The following TGFB2 variants were observed in gnomAD, a reference collection of about 807,000 sequenced individuals.
TGFB2 encodes the protein transforming growth factor beta-2 proprotein.
A neutral mutation model predicts 42.7 loss-of-function variants in TGFB2; 13 were observed. That is an observed-to-expected ratio of 0.30 (90% CI 0.20 to 0.48). The LOEUF (loss-of-function observed/expected upper bound fraction) is 0.48. Ranked by LOEUF, TGFB2 falls within the 20% of genes least tolerant of loss-of-function variation. The pLI, the probability that TGFB2 is intolerant of heterozygous loss-of-function variation, is 0.99. For synonymous variants in TGFB2, 193 were observed against 193.6 expected (o/e 1.00, Z 0.03); for missense variants, 390 against 517.5 (o/e 0.75, Z 2.39).
chr1:218,429,748 G>C (rs1659747127), intron 2 of TGFB2, among the ~76,000 whole-genome samples: 1 of 152,162 alleles, frequency 6.6e-6, no homozygotes, highest in Non-Finnish European at 1.5e-5. Context: ...CTGGCTTTCG[G>C]AGAAGAAACA....
intron 2 of TGFB2, among the ~76,000 whole-genome samples, chr1:218,412,201 G>T (rs2102602254): frequency 6.6e-6 from 1 of 152,302 alleles, no homozygotes; most frequent in South Asian, 2.1e-4. Flanking sequence ...ATCTGTCTAT[G>T]AATAAACATA....
At chr1:218,396,293 T>C (rs1658509437) in intron 1 of TGFB2, among the ~76,000 whole-genome samples, 1 of 152,168 alleles carries the variant, frequency 6.6e-6, no homozygotes, top group Non-Finnish European at 1.5e-5. Flanking sequence ...AGTAAACAAA[T>C]ATCTAACTAA....
chr1:218,438,535 C>T (rs938733525), intron 6 of TGFB2, among the ~76,000 whole-genome samples: 15 of 151,288 alleles, frequency 9.9e-5, no homozygotes, highest in South Asian at 4.2e-4. Flanking sequence ...ATATGAAGTA[C>T]AAAAGATGAT....
chr1:218,432,593 A>G (rs1319726857), intron 2 of TGFB2, among the ~76,000 whole-genome samples: 1 of 152,228 alleles, frequency 6.6e-6, no homozygotes, highest in Non-Finnish European at 1.5e-5. Flanking sequence ...TTTTCAGATG[A>G]GTGGAAAGAT....
intron 2 of TGFB2, among the ~76,000 whole-genome samples, chr1:218,432,830 A>G (rs1659849892): frequency 6.6e-6 from 1 of 152,178 alleles, no homozygotes; most frequent in East Asian, 1.9e-4. Context: ...GAAGAGTAGT[A>G]CAAAAATGAC....
intron 1 of TGFB2, among the ~76,000 whole-genome samples, chr1:218,395,530 G>T (rs1326795014): frequency 6.6e-6 from 1 of 152,000 alleles, no homozygotes; most frequent in Non-Finnish European, 1.5e-5. Context: ...AAAAGCTTTG[G>T]ATTCAAAGGC....
Position 218,346,683 on chromosome 1 carries a change from T to G in TGFB2, c.-19T>G. On this transcript the variant is annotated 5_prime_UTR_variant, in exon 1 of 7. Transcript: ENST00000366930. This position sits in a 1 kb window ranked among gnomAD's most constrained non-coding sequence, Gnocchi z 4.9. ...ATTCTGACTTTTAAAAACAACTTTT[T>G]TTTCCACTTTTTTAAAAAATGCACT... 1.9e-6 allele frequency: 3 copies of G among 1,568,550 alleles called. No homozygotes were observed. Among genetic ancestry groups the G allele is most frequent in the Non-Finnish European group, 2.6e-6 (3 of 1,161,376 alleles).
chr1:218,366,310 C>G (rs544726509), intron 1 of TGFB2, among the ~76,000 whole-genome samples: 1 of 152,176 alleles, frequency 6.6e-6, no homozygotes, highest in East Asian at 1.9e-4. Context: ...CTCTCTCTCT[C>G]TCTTTTTTTA....
At chr1:218,414,552 A>C (rs1168177948) in intron 2 of TGFB2, among the ~76,000 whole-genome samples, 1 of 152,196 alleles carries the variant, frequency 6.6e-6, no homozygotes, top group African/African-American at 2.4e-5. Context: ...AAGGCTATTA[A>C]TATCTCAGGG....
rs1293212912 is a variant in TGFB2 at position 218,441,962 on chromosome 1, GAA to G, written c.*606_*607del. 1 of 151,896 alleles carries G rather than the reference GAA, an allele frequency of 6.6e-6. No individual in the cohort carries two copies. The highest frequency in any genetic ancestry group is 2.4e-5 in the African/African-American group (1 of 41,376). The allele number at this position is 151,896 out of a possible 1,614,324, so 9.4% of individuals were successfully genotyped here. On this transcript the variant is annotated 3_prime_UTR_variant, in exon 7 of 7. Coordinates refer to ENST00000366930, the MANE Select transcript of TGFB2 (RefSeq NM_003238.6). ...AAGGAACTTGAACTCAAACGAGCCA[GAA>G]AAAAAGAGGTCATATTAATGGGATG...
chr1:218,347,158 T>C, intron 1 of TGFB2, 111 bp downstream of exon 1: 1 of 961,140 alleles, frequency 1.0e-6, no homozygotes, highest in Non-Finnish European at 1.6e-6. Flanking sequence ...CGTTCGCTCT[T>C]TTCCCGTTCT....
At chr1:218,369,538 C>T (rs954482077) in intron 1 of TGFB2, among the ~76,000 whole-genome samples, 4 of 152,172 alleles carry the variant, frequency 2.6e-5, no homozygotes, top group African/African-American at 9.6e-5. Context: ...TCACCCCCTT[C>T]CTTTCTGAGG....
chr1:218,412,555 T>C (rs1340958256), intron 2 of TGFB2, among the ~76,000 whole-genome samples: 2 of 152,130 alleles, frequency 1.3e-5, no homozygotes, highest in African/African-American at 4.8e-5. Context: ...GTCCTCCCCG[T>C]TTACCTTATT....
rs1449078058 is a variant in TGFB2 at position 218,435,951 on chromosome 1, C to T, written c.755-19C>T. The T allele has an allele frequency of 6.3e-7, 1 of 1,586,256 alleles. No individual in the cohort carries two copies. Among genetic ancestry groups the T allele is most frequent in the Admixed American group, 1.8e-5 (1 of 54,164 alleles). ...GAAGGTGAAGCTAAATGTTTATTAC[C>T]CAAATGCATTTTTTCAAGGTATTGA... On this transcript the variant is annotated intron_variant, in intron 4 of 6. Coordinates refer to ENST00000366930, the MANE Select transcript of TGFB2 (RefSeq NM_003238.6).
chr1:218,410,219 A>G (rs1367800544), intron 2 of TGFB2, among the ~76,000 whole-genome samples: 2 of 152,342 alleles, frequency 1.3e-5, no homozygotes, highest in African/African-American at 2.4e-5. Context: ...GCCGCCAGGT[A>G]TTCTTTTTAG....
At chr1:218,369,021 C>A (rs1393597911) in intron 1 of TGFB2, among the ~76,000 whole-genome samples, 1 of 151,834 alleles carries the variant, frequency 6.6e-6, no homozygotes, top group Non-Finnish European at 1.5e-5. Flanking sequence ...CTTTGGGAGG[C>A]CGAGGCGGGT....
intron 2 of TGFB2, among the ~76,000 whole-genome samples, chr1:218,429,169 C>G (rs771651321): frequency 1.1e-4 from 17 of 151,822 alleles, no homozygotes; most frequent in Admixed American, 6.6e-5. Flanking sequence ...TTAATAGAGA[C>G]GGGGTTTCAC....
chr1:218,352,497 T>C (rs1475263904), intron 1 of TGFB2, among the ~76,000 whole-genome samples: 1 of 152,216 alleles, frequency 6.6e-6, no homozygotes, highest in African/African-American at 2.4e-5. Flanking sequence ...TTATTTTAGA[T>C]TTAATAATAT....
chr1:218,376,099 C>G (rs904263188), intron 1 of TGFB2, among the ~76,000 whole-genome samples: 1 of 152,264 alleles, frequency 6.6e-6, no homozygotes, highest in Middle Eastern at 3.4e-3. Flanking sequence ...TGCTGCACAA[C>G]GTCGTACCCA....
Sources: allele counts gnomAD v4.1 joint callset (sites outside exome capture counted in the v4.1 genomes callset), GRCh38; gene constraint gnomAD v4.1.1; non-coding constraint Gnocchi (gnomAD v3.1); transcripts MANE v1.5; gene names NCBI Gene and HGNC (gene_info 2026-07-23, HGNC 2026-07-21).